The following HNRNPL variants were observed in gnomAD, a reference collection of about 807,000 sequenced individuals.
The protein encoded by HNRNPL is epididymis secretory sperm binding protein.
HNRNPL carries 12 observed loss-of-function variants against 64.0 expected under a neutral mutation model. The ratio of observed to expected loss-of-function variants is 0.19; its 90% CI spans 0.12 to 0.30. The LOEUF is 0.30. Ranked by LOEUF, HNRNPL falls within the 10% of genes least tolerant of loss-of-function variation. The probability of loss-of-function intolerance (pLI) is 1.00; values close to 1 mark genes in which losing one functional copy is unlikely to be tolerated. For missense variants in HNRNPL, 484 were observed against 797.4 expected, an observed-to-expected ratio of 0.61 and a Z score of 4.73; for synonymous variants, 385 against 313.0, an observed-to-expected ratio of 1.23 and a Z score of -2.43.
Position 38,838,414 on chromosome 19 carries a change from C to T in HNRNPL, c.1540G>A (p.Glu514Lys). ...HFFNAPLEVT[E>K]ENFFEICDEL... Reference sequence around the variant, plus strand: ...GCACACACCTCAAAGAAGTTCTCCTCGGTCACCTCCAGCGGGGCGTTGAAG... The same window carrying T: ...GCACACACCTCAAAGAAGTTCTCCTTGGTCACCTCCAGCGGGGCGTTGAAG... The change falls in exon 10 of 13, where the codon GAG (glutamate) becomes AAG (lysine). Residue 514 changes from glutamate to lysine, a missense_variant. Around this residue, in one of 9 missense-constraint regions of HNRNPL, gnomAD observed 69 missense variants for 91.8 expected, o/e 0.75. Coordinates refer to ENST00000221419, the MANE Select transcript of HNRNPL (RefSeq NM_001533.3). 1.9e-6 allele frequency: 3 copies of T among 1,611,286 alleles called. No homozygotes were observed. The highest frequency in any genetic ancestry group is 2.2e-5 in the East Asian group (1 of 44,804).
chr19:38,843,945 G>A lies in HNRNPL; in HGVS notation c.808-31C>T, dbSNP rs369335148. On this transcript the variant is annotated intron_variant, in intron 5 of 12. Transcript: ENST00000221419. ...AGGACAGGACAAGACAAGACTTGAG[G>A]TCAGCCATGCCCCAGCTCACCTGGA... is the stretch of plus-strand genomic sequence containing the variant. The A allele has an allele frequency of 2.9e-5, 46 of 1,612,018 alleles. 1 individual carries two copies. The East Asian group carries it at 3.1e-4, about 11-fold the overall frequency.
rs1488144749 is a variant in HNRNPL, at chr19:38,843,909, T to C, written c.813A>G (p.Thr271=). The C allele has an allele frequency of 2.1e-5, 34 of 1,614,096 alleles. No homozygotes were observed. The highest frequency in any genetic ancestry group is 2.7e-5 in the Non-Finnish European group (32 of 1,179,956). ...GATCATTCTTGAACACATTCAAGCG[T>C]GTAGGCTGCAAGGACAGGACAAGAC... is the stretch of plus-strand genomic sequence containing the variant. ...CTLKIEYAKP[T]RLNVFKNDQD... is the part of the protein sequence containing the mutation. Residue 271 remains threonine (T), a synonymous_variant, in exon 6 of 13, where the codon ACA becomes ACG. Coordinates refer to ENST00000221419, the MANE Select transcript of HNRNPL (RefSeq NM_001533.3).
Position 38,845,590 on chromosome 19 carries a change from A to G in HNRNPL, c.710+60T>C, listed in dbSNP as rs568056745. 35 of 1,363,988 alleles carry G rather than the reference A, an allele frequency of 2.6e-5. No homozygotes were observed. In the African/African-American group the frequency reaches 4.4e-4, roughly 17 times the overall value. 84.5% of individuals were successfully genotyped at this position (1,363,988 alleles called of 1,614,324 possible). The stretch of plus-strand genomic sequence containing the variant: ...ACACATGCTGGCTCAAAGAATGGCC[A>G]CTGTCAAGCCCTGCAAGAGTCCCTA... On this transcript the variant is annotated intron_variant, in intron 4 of 12. Coordinates refer to ENST00000221419, the MANE Select transcript of HNRNPL (RefSeq NM_001533.3).
chr19:38,847,560 A>G (rs1972341906), intron 1 of HNRNPL, 126 bp from the exon 2 acceptor site: 1 of 493,644 alleles, frequency 2.0e-6, no homozygotes. Context: ...GATGCACAGG[A>G]AAGACTAGGG....
intron 2 of HNRNPL, among the ~76,000 whole-genome samples, chr19:38,846,424 C>A (rs866698354): frequency 2.6e-5 from 4 of 152,196 alleles, no homozygotes; most frequent in South Asian, 4.1e-4. Context: ...CAGCTCACTA[C>A]TGTATTTGCA....
In HNRNPL at chr19:38,849,733, T is replaced by C; in HGVS notation, c.234A>G (p.Gly78=). Residue 78 remains glycine (G), a synonymous_variant, in exon 1 of 13, where the codon GGA becomes GGG. Transcript: ENST00000221419. The part of the protein sequence containing the change: ...DQHGGGGGGG[G]GAGAAGGGGG... ...CGCCGCCGCCCGCCGCCCCGGCTCC[T>C]CCACCGCCACCGCCGCCGCCTCCGT... The C allele has an allele frequency of 1.4e-6, 2 of 1,384,848 alleles. No individual in the cohort carries two copies. The highest frequency in any genetic ancestry group is 1.9e-6 in the Non-Finnish European group (2 of 1,073,262). The allele number at this position is 1,384,848 out of a possible 1,614,324, so 85.8% of individuals were successfully genotyped here. A position where few individuals can be genotyped will look rare whatever the true frequency, so the allele number is the denominator to read the frequency against.
At chr19:38,845,363 C>G (rs1024149977) in intron 4 of HNRNPL, 2 of 365,394 alleles carry the variant, frequency 5.5e-6, no homozygotes, top group South Asian at 5.8e-5. Flanking sequence ...AAGGGCTAAA[C>G]TCCATCTCAA....
At chr19:38,850,112 GCC>G, upstream of HNRNPL, 1 of 597,500 alleles carries the variant, frequency 1.7e-6, no homozygotes, top group Non-Finnish European at 2.7e-6. Context: ...ATTGGACATT[GCC>G]CACGCCGTTC....
At position 38,837,597 on chromosome 19, in the gene HNRNPL, T is replaced by C; in HGVS notation, c.1612A>G (p.Lys538Glu). Residue 538 changes from lysine (K) to glutamate (E), a missense_variant, in exon 11 of 13, where the codon AAA (lysine) becomes GAA (glutamate). Lys to Glu is a moderately conservative substitution (Grantham distance 56, BLOSUM62 1). This residue lies in a region of HNRNPL where 69 missense variants were observed against 91.8 expected (regional missense o/e 0.75). Transcript: ENST00000221419. ...RPSSVKVFSGKSERSSSGLLE... is the reference protein window; with the variant it reads ...RPSSVKVFSGESERSSSGLLE... ...GAGGTGGGCACACTCGACTCACTTT[T>C]GCCTGAGAATACTTTCACAGAAGAT... is the stretch of plus-strand genomic sequence containing the variant. The C allele has an allele frequency of 6.2e-7, 1 of 1,614,226 alleles. No individual in the cohort carries two copies. Among genetic ancestry groups the C allele is most frequent in the Non-Finnish European group, 8.5e-7 (1 of 1,180,032 alleles).
chr19:38,845,595 C>G (rs1186160350), intron 4 of HNRNPL, 55 bp downstream of exon 4: 1 of 1,419,498 alleles, frequency 7.0e-7, no homozygotes, highest in Non-Finnish European at 1.0e-6. Flanking sequence ...TGGCCACTGT[C>G]AAGCCCTGCA....
At chr19:38,848,985 G>C (rs974501810) in intron 1 of HNRNPL, among the ~76,000 whole-genome samples, 1 of 152,052 alleles carries the variant, frequency 6.6e-6, no homozygotes, top group Admixed American at 6.5e-5. Context: ...TGGTGTTTTC[G>C]GAGGGACTGA....
chr19:38,845,576 C>A, intron 4 of HNRNPL, 74 bp downstream of exon 4: 1 of 1,234,130 alleles, frequency 8.1e-7, no homozygotes, highest in South Asian at 1.2e-5. Context: ...CACATGCTGG[C>A]TCAAAGAATG....
chr19:38,845,104 A>G (rs55932233), intron 4 of HNRNPL: 93,307 of 151,786 alleles, frequency 0.61, 29,306 homozygotes, highest in South Asian at 0.74. Context: ...TCATATTTGA[A>G]CTTAGAATAA....
At chr19:38,846,306 T>C (rs527679341) in intron 2 of HNRNPL, among the ~76,000 whole-genome samples, 6 of 152,172 alleles carry the variant, frequency 3.9e-5, no homozygotes, top group African/African-American at 1.4e-4. Context: ...CTTCCTGACC[T>C]CTCCTCACCA....
intron 8 of HNRNPL, 52 bp downstream of exon 8, chr19:38,840,044 T>G: frequency 6.3e-7 from 1 of 1,581,034 alleles, no homozygotes; most frequent in South Asian, 1.1e-5. Context: ...CCGTGCTGAC[T>G]GGCAAGATAC....
At chr19:38,841,728 A>G in intron 6 of HNRNPL, 1 of 784,934 alleles carries the variant, frequency 1.3e-6, no homozygotes, top group South Asian at 1.5e-5. Context: ...CACGGTACAC[A>G]TCCGCTACAA....
intron 8 of HNRNPL, chr19:38,839,411 G>A (rs945372978): frequency 1.0e-5 from 2 of 194,902 alleles, no homozygotes; most frequent in African/African-American, 4.7e-5. Context: ...CGGCTCTGGA[G>A]CCAGGCAGTC....
At chr19:38,844,130 T>C (rs1415001292) in intron 4 of HNRNPL, 26 bp from the exon 5 acceptor site, 4 of 1,478,158 alleles carry the variant, frequency 2.7e-6, no homozygotes, top group Non-Finnish European at 3.8e-6. Flanking sequence ...GAAAGTCCCA[T>C]CACAGGAGAT....
intron 1 of HNRNPL, 66 bp downstream of exon 1, chr19:38,849,634 T>C (rs911645298): frequency 3.1e-6 from 4 of 1,292,840 alleles, no homozygotes; most frequent in Admixed American, 6.8e-5. Context: ...AAAAATAAAA[T>C]GCCCTCAAGC....
Sources: gnomAD v4.1 joint callset for allele counts (sites outside exome capture counted in the v4.1 genomes callset) on GRCh38, gnomAD v4.1.1 for gene constraint, gnomAD v4.1.1 regional missense constraint, MANE v1.5 for transcripts, NCBI Gene and HGNC (gene_info 2026-07-23, HGNC 2026-07-21) for gene names.